Variants in MARK1 observed in about 807,000 individuals in gnomAD.
MARK1 encodes the protein microtubule affinity regulating kinase 1.
MARK1 carries 40 observed loss-of-function variants against 96.3 expected under a neutral mutation model. The ratio of observed to expected loss-of-function variants is 0.42; its 90% CI spans 0.32 to 0.54. The LOEUF (loss-of-function observed/expected upper bound fraction) is 0.54. MARK1 is among the 20% of genes least tolerant of loss of function. The pLI is 0.16. For synonymous variants in MARK1, 317 were observed against 341.2 expected (o/e 0.93, Z 0.78); for missense variants, 719 against 984.6 (o/e 0.73, Z 3.61).
chr1:220,541,635 T>C (rs562387290), intron 1 of MARK1, among the ~76,000 whole-genome samples: 56 of 152,330 alleles, frequency 3.7e-4, no homozygotes, highest in South Asian at 1.7e-3. Context: ...CATGAATTGA[T>C]GCTTTTATCA....
intron 6 of MARK1, among the ~76,000 whole-genome samples, chr1:220,609,182 G>T (rs976858774): frequency 1.3e-5 from 2 of 152,144 alleles, no homozygotes. Context: ...TATTGTGTGG[G>T]AGTCTTAAGT....
intron 6 of MARK1, among the ~76,000 whole-genome samples, chr1:220,605,253 G>A (rs1665998215): frequency 2.0e-5 from 3 of 152,132 alleles, no homozygotes; most frequent in Admixed American, 2.0e-4. Context: ...AACACAATTT[G>A]TGAAATGCTT....
chr1:220,659,650 T>A (rs59619545), intron 17 of MARK1, among the ~76,000 whole-genome samples: 1,716 of 152,316 alleles, frequency 0.011, 26 homozygotes, highest in African/African-American at 0.039. Flanking sequence ...TCAGTGGTAA[T>A]GTCTGTGAGA....
intron 16 of MARK1, among the ~76,000 whole-genome samples, 179 bp from the exon 17 acceptor site, chr1:220,657,611 A>G (rs1013031533): frequency 3.3e-4 from 50 of 152,246 alleles, no homozygotes; most frequent in African/African-American, 1.2e-3. Flanking sequence ...TCAATAAATG[A>G]TAAATTACAT....
intron 1 of MARK1, among the ~76,000 whole-genome samples, chr1:220,530,412 A>C (rs562840529): frequency 6.6e-6 from 1 of 152,232 alleles, no homozygotes; most frequent in Non-Finnish European, 1.5e-5. Context: ...TTTTTCTAAC[A>C]GGAACATTAA....
At chr1:220,572,802 C>G (rs1284410919) in intron 1 of MARK1, among the ~76,000 whole-genome samples, 3 of 152,082 alleles carry the variant, frequency 2.0e-5, no homozygotes. Context: ...TCTATTGTTA[C>G]TTTCATTTCT....
intron 1 of MARK1, among the ~76,000 whole-genome samples, chr1:220,530,754 A>G (rs1474684705): frequency 2.0e-5 from 3 of 152,202 alleles, no homozygotes; most frequent in Non-Finnish European, 4.4e-5. Context: ...ATTATGCTGT[A>G]TAAACTGATT....
chr1:220,533,252 T>G (rs1300444156), intron 1 of MARK1, among the ~76,000 whole-genome samples: 1 of 152,184 alleles, frequency 6.6e-6, no homozygotes, highest in Non-Finnish European at 1.5e-5. Context: ...TGAACAGTGG[T>G]GGATGTATAT....
intron 1 of MARK1, among the ~76,000 whole-genome samples, chr1:220,565,305 C>T (rs1662968277): frequency 1.3e-5 from 2 of 152,178 alleles, no homozygotes; most frequent in Admixed American, 1.3e-4. Context: ...CTTTCATCAG[C>T]TAACAACCTA....
At chr1:220,557,010 T>C (rs1572074946) in intron 1 of MARK1, among the ~76,000 whole-genome samples, 1 of 152,090 alleles carries the variant, frequency 6.6e-6, no homozygotes, top group East Asian at 1.9e-4. Context: ...TGGCTAGGGG[T>C]TATCCAGAAG....
At chr1:220,546,757 G>A (rs1661517116) in intron 1 of MARK1, among the ~76,000 whole-genome samples, 1 of 152,184 alleles carries the variant, frequency 6.6e-6, no homozygotes, top group South Asian at 2.1e-4. Context: ...TGGATCGCCT[G>A]AGTTCAGGAG....
intron 1 of MARK1, among the ~76,000 whole-genome samples, chr1:220,574,350 G>A (rs564819747): frequency 3.9e-5 from 6 of 152,178 alleles, no homozygotes; most frequent in Admixed American, 6.5e-5. Context: ...CTTATACATC[G>A]TTTGGGACTT....
intron 1 of MARK1, among the ~76,000 whole-genome samples, chr1:220,539,463 T>C (rs2589590): frequency 0.94 from 143,480 of 152,004 alleles, 68,320 homozygotes; most frequent in East Asian, 1. Flanking sequence ...CTGCTGGATT[T>C]GGTTTGCCAG....
intron 13 of MARK1, among the ~76,000 whole-genome samples, chr1:220,637,694 A>G (rs1668041764): frequency 6.6e-6 from 1 of 152,012 alleles, no homozygotes; most frequent in Non-Finnish European, 1.5e-5. Flanking sequence ...ACCAAAAAAA[A>G]GAAAGAAAGA....
intron 1 of MARK1, among the ~76,000 whole-genome samples, chr1:220,552,455 G>A (rs897533756): frequency 2.6e-5 from 4 of 152,090 alleles, no homozygotes; most frequent in South Asian, 2.1e-4. Context: ...GCAAGGTGTC[G>A]TTACCCAGCT....
chr1:220,599,967 A>T, intron 5 of MARK1, 104 bp downstream of exon 5: 1 of 644,432 alleles, frequency 1.6e-6, no homozygotes, highest in Non-Finnish European at 2.5e-6. Context: ...TAATGAATCT[A>T]TTGTTTTATC....
At chr1:220,620,923 A>G (rs2102977758) in intron 9 of MARK1, among the ~76,000 whole-genome samples, 1 of 152,262 alleles carries the variant, frequency 6.6e-6, no homozygotes, top group South Asian at 2.1e-4. Context: ...AATATTTCTT[A>G]TACCATACCT....
intron 1 of MARK1, among the ~76,000 whole-genome samples, chr1:220,532,894 C>T (rs930747648): frequency 2.0e-5 from 3 of 151,938 alleles, no homozygotes; most frequent in Non-Finnish European, 2.9e-5. Flanking sequence ...TAGTCATTCA[C>T]AGCTACTAGA....
At chr1:220,581,325 T>TGAAAGAAATGTATCTC (rs1318632995) in intron 3 of MARK1, among the ~76,000 whole-genome samples, 1 of 152,174 alleles carries the variant, frequency 6.6e-6, no homozygotes, top group Non-Finnish European at 1.5e-5. Context: ...ATGTAGTATA[T>TGAAAGAAATGTATCTC]GAAAGAAATG....
Sources: allele counts gnomAD v4.1 joint callset (sites outside exome capture counted in the v4.1 genomes callset), GRCh38; gene constraint gnomAD v4.1.1; transcripts MANE v1.5; gene names NCBI Gene and HGNC (gene_info 2026-07-23, HGNC 2026-07-21).